The following PARD3 variants were observed in gnomAD, a reference collection of about 807,000 sequenced individuals.
The protein encoded by PARD3 is partitioning defective 3 homolog.
Under a neutral mutation model 155.4 loss-of-function variants are expected in PARD3, and 75 were observed. That is an observed-to-expected ratio of 0.48 (90% CI 0.40 to 0.58). The LOEUF is 0.58. Among genes scored for constraint, PARD3 ranks in the 20% least tolerant of loss-of-function variants. The pLI is 0.00. For synonymous variants in PARD3, 576 were observed against 610.5 expected, an observed-to-expected ratio of 0.94 and a Z score of 0.83; for missense variants, 1,642 against 1,721.7, an observed-to-expected ratio of 0.95 and a Z score of 0.82.
At chr10:34,759,126 G>GA (rs569219276) in intron 1 of PARD3, among the ~76,000 whole-genome samples, 12 of 147,122 alleles carry the variant, frequency 8.2e-5, no homozygotes, top group African/African-American at 2.5e-4. Flanking sequence ...AAGAAAAAAA[G>GA]AAAAAAAAAC....
intron 1 of PARD3, among the ~76,000 whole-genome samples, chr10:34,714,119 T>C (rs1324204159): frequency 6.6e-6 from 1 of 152,074 alleles, no homozygotes; most frequent in East Asian, 1.9e-4. Flanking sequence ...CACTGAAACA[T>C]GATAAATTCC....
rs7081167 is a variant in PARD3, at chr10:34,627,088, C to T, written c.222+69230G>A. 6.9e-3 allele frequency among the ~76,000 whole-genome samples: 1,042 copies of T among 151,762 alleles called. 14 individuals are homozygous for T. The highest frequency in any genetic ancestry group is 0.023 in the African/African-American group (961 of 41,286). ...AGGTTAGAGTGCAGTGGCACAAACA[C>T]AGCTCACTGCAGCCCTGCAGCCTTG... On this transcript the variant is annotated intron_variant, in intron 2 of 24. Coordinates refer to ENST00000374788, the MANE Select transcript of PARD3 (RefSeq NM_001184785.2).
chr10:34,519,870 C>T (rs1271546994), intron 2 of PARD3, among the ~76,000 whole-genome samples: 2 of 146,738 alleles, frequency 1.4e-5, no homozygotes, highest in Admixed American at 1.4e-4. Flanking sequence ...CATAACATAA[C>T]ATAACATAAC....
intron 1 of PARD3, among the ~76,000 whole-genome samples, chr10:34,722,228 TTATA>T (rs1345685807): frequency 2.0e-5 from 3 of 152,022 alleles, no homozygotes; most frequent in African/African-American, 7.2e-5. Flanking sequence ...TTATATATTT[TTATA>T]TATATACTGT....
chr10:34,298,152 TAAATA>T (rs1396327750), intron 20 of PARD3, among the ~76,000 whole-genome samples: 40 of 152,198 alleles, frequency 2.6e-4, no homozygotes. Context: ...ATAAAAACAC[TAAATA>T]AATATGAGCT....
intron 7 of PARD3, among the ~76,000 whole-genome samples, chr10:34,392,486 T>G (rs980831957): frequency 2.6e-5 from 4 of 152,298 alleles, no homozygotes; most frequent in African/African-American, 9.6e-5. Flanking sequence ...AAATAAGATA[T>G]CTGCCAACAT....
chr10:34,577,926 G>A (rs1413828381), intron 2 of PARD3, among the ~76,000 whole-genome samples: 3 of 151,496 alleles, frequency 2.0e-5, no homozygotes, highest in Admixed American at 6.6e-5. Flanking sequence ...ATCAGAGCTC[G>A]CTGCAGCTTC....
In PARD3 at chr10:34,111,438, C is replaced by T. The variant is rs201774041; in HGVS notation, c.3793G>A (p.Gly1265Ser). Residue 1265 changes from glycine to serine, a missense_variant, in exon 25 of 25, where the codon GGC (glycine) becomes AGC (serine). Around this residue, in one of 3 missense-constraint regions of PARD3, gnomAD observed 1,529 missense variants for 1,587.3 expected, o/e 0.96. Coordinates refer to ENST00000374788, the MANE Select transcript of PARD3 (RefSeq NM_001184785.2). ...TTGAAGCCATGTCCTCCCAGGTAGC[C>T]GTTCCTGGAGCCTTGGTAGCTGGAG... ...RYSSYQGSRN[G>S]YLGGHGFNAR... is the part of the protein sequence containing the mutation. The T allele has an allele frequency of 4.5e-5, 73 of 1,614,182 alleles. No individual in the cohort carries two copies. The Middle Eastern group carries it at 6.6e-4, about 15-fold the overall frequency.
chr10:34,814,867 GC>G lies in PARD3; in HGVS notation c.120+8del. On this transcript the variant is annotated splice_region_variant and intron_variant, in intron 1 of 24. Transcript: ENST00000374788. Reference sequence around the variant, plus strand: ...CGCCCCCTCCCCGCCCGCGCCCCCGGCCCCTCACCTTGGCGATGGCCTTCCG... The same window carrying G: ...CGCCCCCTCCCCGCCCGCGCCCCCGGCCCTCACCTTGGCGATGGCCTTCCG... The G allele has an allele frequency of 1.4e-6, 2 of 1,405,706 alleles. No homozygotes were observed. The highest frequency in any genetic ancestry group is 1.9e-6 in the Non-Finnish European group (2 of 1,043,224). The allele number at this position is 1,405,706 out of a possible 1,614,324, so 87.1% of individuals were successfully genotyped here.
rs1226768521 is a variant in PARD3 at position 34,605,537 on chromosome 10, C to CTATATATATA, written c.223-88388_223-88379dup. 2.6e-3 allele frequency among the ~76,000 whole-genome samples: 68 copies of CTATATATATA among 25,704 alleles called. 11 individuals carry two copies. The highest frequency in any genetic ancestry group is 8.5e-3 in the East Asian group (8 of 938). The allele number at this position is 25,704 out of a possible 152,430, so 16.9% of individuals were successfully genotyped here. A position where few individuals can be genotyped will look rare whatever the true frequency, so the allele number is the denominator to read the frequency against. On this transcript the variant is annotated intron_variant, in intron 2 of 24. Transcript: ENST00000374788. ...TATATATATCTCCTATATATATCTC[C>CTATATATATA]TATATATATATATATATATCTCCTA...
intron 21 of PARD3, among the ~76,000 whole-genome samples, chr10:34,274,695 T>C (rs949861141): frequency 2.4e-4 from 37 of 152,144 alleles, no homozygotes; most frequent in African/African-American, 8.9e-4. Flanking sequence ...AATTTCTGAA[T>C]TTGGAGAACC....
chr10:34,484,776 A>G (rs2079329787), intron 3 of PARD3, among the ~76,000 whole-genome samples: 1 of 152,208 alleles, frequency 6.6e-6, no homozygotes, highest in Non-Finnish European at 1.5e-5. Flanking sequence ...GAGCTTTAGC[A>G]AAGACTTCAA....
chr10:34,399,221 A>G (rs2132172004), intron 7 of PARD3, 109 bp downstream of exon 7: 1 of 742,754 alleles, frequency 1.3e-6, no homozygotes, highest in East Asian at 2.5e-5. Flanking sequence ...CCAAATGAGA[A>G]TGTTTCCTAT....
chr10:34,497,221 T>C (rs967765838), intron 3 of PARD3, among the ~76,000 whole-genome samples: 5 of 152,060 alleles, frequency 3.3e-5, no homozygotes, highest in East Asian at 1.9e-4. Context: ...TCTCAACAGA[T>C]TGAAAATACT....
rs760027057 is a variant in PARD3 at position 34,399,459 on chromosome 10, C to CAAACCA, written c.807-52_807-47dup. On this transcript the variant is annotated intron_variant, in intron 6 of 24. Coordinates refer to ENST00000374788, the MANE Select transcript of PARD3 (RefSeq NM_001184785.2). Reference sequence around the variant, plus strand: ...AGGGAGCATGAACGTGTACTGTAAACAAACCAAAACCAAAACAAAACAAAA... The same window carrying CAAACCA: ...AGGGAGCATGAACGTGTACTGTAAACAAACCAAAACCAAAACCAAAACAAAACAAAA... 4.8e-6 allele frequency: 6 copies of CAAACCA among 1,245,220 alleles called. No individual in the cohort carries two copies. The East Asian group carries it at 9.2e-5, about 19-fold the overall frequency. 77.1% of individuals were successfully genotyped at this position (1,245,220 alleles called of 1,614,324 possible).
intron 23 of PARD3, among the ~76,000 whole-genome samples, chr10:34,123,841 A>C (rs189508047): frequency 6.6e-6 from 1 of 152,214 alleles, no homozygotes; most frequent in Non-Finnish European, 1.5e-5. Context: ...TTTAATAGAC[A>C]GTTAACAGAG....
chr10:34,353,327 G>A (rs1227477056), intron 14 of PARD3, among the ~76,000 whole-genome samples: 1 of 152,228 alleles, frequency 6.6e-6, no homozygotes, highest in African/African-American at 2.4e-5. Context: ...CTGTGTCTGT[G>A]TAGAAAGAAG....
At chr10:34,484,037 C>G (rs547069198) in intron 3 of PARD3, among the ~76,000 whole-genome samples, 1 of 152,316 alleles carries the variant, frequency 6.6e-6, no homozygotes, top group East Asian at 1.9e-4. Context: ...TGCTAGACAT[C>G]ATGTTGGTAT....
chr10:34,311,749 C>A (rs1349396450), intron 20 of PARD3, among the ~76,000 whole-genome samples: 1 of 151,254 alleles, frequency 6.6e-6, no homozygotes, highest in Admixed American at 6.6e-5. Context: ...CACCACCCCC[C>A]TGCCAACCAC....
Sources: gnomAD v4.1 joint callset for allele counts (sites outside exome capture counted in the v4.1 genomes callset) on GRCh38, gnomAD v4.1.1 for gene constraint, gnomAD v4.1.1 regional missense constraint, MANE v1.5 for transcripts, NCBI Gene and HGNC (gene_info 2026-07-23, HGNC 2026-07-21) for gene names.